The following CPQ variants were observed in gnomAD, a reference collection of about 807,000 sequenced individuals.
CPQ encodes the protein carboxypeptidase Q, also known as Ser-Met dipeptidase.
A neutral mutation model predicts 45.7 loss-of-function variants in CPQ; 37 were observed. The ratio of observed to expected loss-of-function variants is 0.81; its 90% CI spans 0.62 to 1.07. The LOEUF (loss-of-function observed/expected upper bound fraction) is 1.07. Ranked by LOEUF, CPQ falls within the 50% of genes least tolerant of loss-of-function variation. The pLI is 0.00. For missense variants in CPQ, 537 were observed against 572.9 expected (o/e 0.94, Z 0.64); for synonymous variants, 186 against 205.8 (o/e 0.90, Z 0.82).
intron 4 of CPQ, among the ~76,000 whole-genome samples, chr8:96,929,158 GTGCT>G (rs2130917104): frequency 6.6e-6 from 1 of 152,206 alleles, no homozygotes; most frequent in South Asian, 2.1e-4. Context: ...AAAATTCCAG[GTGCT>G]TTATTTCTGT....
intron 4 of CPQ, among the ~76,000 whole-genome samples, chr8:96,885,746 A>T (rs1363723490): frequency 6.6e-6 from 1 of 152,182 alleles, no homozygotes. Flanking sequence ...CTGTAATCTC[A>T]GGGAGGCCGA....
chr8:96,783,644 T>TA (rs1443102120), intron 1 of CPQ, among the ~76,000 whole-genome samples: 1 of 152,128 alleles, frequency 6.6e-6, no homozygotes, highest in Non-Finnish European at 1.5e-5. Flanking sequence ...ATATAGTTTA[T>TA]AAAAAAGTGT....
intron 2 of CPQ, among the ~76,000 whole-genome samples, chr8:96,818,348 A>G (rs1382415918): frequency 2.0e-5 from 3 of 152,006 alleles, no homozygotes; most frequent in Admixed American, 6.6e-5. Context: ...CAATAGCAAT[A>G]TCAGAGCTCA....
chr8:96,899,510 G>A (rs1464503747), intron 4 of CPQ, among the ~76,000 whole-genome samples: 7 of 152,146 alleles, frequency 4.6e-5, no homozygotes, highest in African/African-American at 9.7e-5. Flanking sequence ...GCTGACATCT[G>A]CTCGGCTTCT....
At chr8:97,101,510 T>A (rs1811304124) in intron 7 of CPQ, among the ~76,000 whole-genome samples, 1 of 150,858 alleles carries the variant, frequency 6.6e-6, no homozygotes, top group Non-Finnish European at 1.5e-5. Context: ...AGACTCTGAG[T>A]CTAAAGCAGA....
chr8:96,903,309 A>T (rs1812536229), intron 4 of CPQ, among the ~76,000 whole-genome samples: 1 of 152,244 alleles, frequency 6.6e-6, no homozygotes, highest in Non-Finnish European at 1.5e-5. Flanking sequence ...AGTAGTAGGC[A>T]TAGTTCTTAA....
rs148764856 is a variant in CPQ, at chr8:96,924,225, C to A, written c.850-41710C>A. Among the ~76,000 whole-genome samples, 1,251 of 152,254 alleles carry A rather than the reference C, an allele frequency of 8.2e-3. 8 individuals are homozygous for A. The highest frequency in any genetic ancestry group is 0.029 in the African/African-American group (1,188 of 41,532). On this transcript the variant is annotated intron_variant, in intron 4 of 7. Transcript: ENST00000220763. ...ATCTGCTTCAACCTCTGTGTTACCA[C>A]CCCCAACTGCCTTAAATGGAAGCAT...
At chr8:96,784,585 A>G (rs1810735238) in intron 1 of CPQ, among the ~76,000 whole-genome samples, 1 of 152,050 alleles carries the variant, frequency 6.6e-6, no homozygotes, top group South Asian at 2.1e-4. Context: ...TGCTACCACC[A>G]CTTCTTTCTC....
chr8:96,754,577 C>T (rs1323455246), intron 1 of CPQ, among the ~76,000 whole-genome samples: 1 of 151,892 alleles, frequency 6.6e-6, no homozygotes, highest in African/African-American at 2.4e-5. Context: ...GCAAATTATC[C>T]CTTAATAACA....
chr8:96,949,491 C>T (rs1813231868), intron 4 of CPQ, among the ~76,000 whole-genome samples: 6 of 151,936 alleles, frequency 3.9e-5, no homozygotes. Context: ...TTATTATGTT[C>T]TATCAGCCAC....
At chr8:97,070,712 G>C (rs953212663) in intron 7 of CPQ, among the ~76,000 whole-genome samples, 2 of 152,124 alleles carry the variant, frequency 1.3e-5, no homozygotes, top group Admixed American at 1.3e-4. Context: ...CACATAAAAT[G>C]GTGAATTGCT....
At chr8:96,679,947 C>A (rs1244258496) in intron 1 of CPQ, among the ~76,000 whole-genome samples, 1 of 151,310 alleles carries the variant, frequency 6.6e-6, no homozygotes, top group Non-Finnish European at 1.5e-5. Flanking sequence ...TACTTCTTTC[C>A]TTCTGTTAAT....
chr8:96,998,524 G>A (rs1809213125), intron 5 of CPQ, among the ~76,000 whole-genome samples: 1 of 151,902 alleles, frequency 6.6e-6, no homozygotes, highest in Non-Finnish European at 1.5e-5. Flanking sequence ...AGAAAATAGA[G>A]AAAATTGCTG....
chr8:96,652,969 T>C (rs994055135), intron 1 of CPQ, among the ~76,000 whole-genome samples: 2 of 152,174 alleles, frequency 1.3e-5, no homozygotes, highest in African/African-American at 4.8e-5. Context: ...TCTGGTTCTT[T>C]TGCTCAGGCT....
At chr8:97,117,039 G>T (rs1278848414) in intron 7 of CPQ, among the ~76,000 whole-genome samples, 2 of 152,164 alleles carry the variant, frequency 1.3e-5, no homozygotes, top group Non-Finnish European at 2.9e-5. Flanking sequence ...AATGACCTTT[G>T]TTTACGTGTG....
chr8:96,902,811 C>A (rs547564201), intron 4 of CPQ, among the ~76,000 whole-genome samples: 2 of 152,290 alleles, frequency 1.3e-5, no homozygotes. Context: ...AGAGTTAACT[C>A]CTTGTAGGGT....
chr8:97,133,254 C>T (rs1012967770), intron 7 of CPQ: 1 of 151,956 alleles, frequency 6.6e-6, no homozygotes, highest in African/African-American at 2.4e-5. Context: ...TATTTATTTT[C>T]CCCCAATACT....
At chr8:96,667,582 C>T (rs912453664) in intron 1 of CPQ, among the ~76,000 whole-genome samples, 10 of 151,992 alleles carry the variant, frequency 6.6e-5, no homozygotes, top group African/African-American at 2.4e-4. Flanking sequence ...AACTCCTGAC[C>T]TCGTGATCTG....
chr8:96,871,166 C>T (rs138043303), intron 3 of CPQ, among the ~76,000 whole-genome samples: 153 of 152,066 alleles, frequency 1.0e-3, no homozygotes, highest in African/African-American at 3.4e-3. Context: ...AGACAAATAT[C>T]TCATATACAA....
Sources: gnomAD v4.1 joint callset for allele counts (sites outside exome capture counted in the v4.1 genomes callset) on GRCh38, gnomAD v4.1.1 for gene constraint, MANE v1.5 for transcripts, NCBI Gene and HGNC (gene_info 2026-07-23, HGNC 2026-07-21) for gene names.